Variants in OR2T1 observed in about 807,000 individuals in gnomAD.
OR2T1 encodes the protein olfactory receptor 2T1.
For missense variants in OR2T1, 440 were observed against 390.2 expected (o/e 1.13, Z -1.07); for synonymous variants, 186 against 145.4 (o/e 1.28, Z -2.01).
chr1:248,407,235 C>A lies in OR2T1; in HGVS notation c.*131C>A. 1.1e-6 allele frequency: 1 copy of A among 894,632 alleles called. No individual in the cohort carries two copies. Among genetic ancestry groups the A allele is most frequent in the Non-Finnish European group, 1.7e-6 (1 of 601,768 alleles). 55.4% of individuals were successfully genotyped at this position (894,632 alleles called of 1,614,324 possible). A position where few individuals can be genotyped will look rare whatever the true frequency, so the allele number is the denominator to read the frequency against. On this transcript the variant is annotated 3_prime_UTR_variant, in exon 2 of 2. Coordinates refer to ENST00000642005, the MANE Select transcript of OR2T1 (RefSeq NM_030904.2). ...AATATTGGTTTTTTGGCTAGGGTTT[C>A]TGGTTCATAACTCCATAGTTATGAT...
rs1249108122 is a variant in OR2T1 at position 248,406,379 on chromosome 1, C to T, written c.232C>T (p.Pro78Ser). ...IDMMYISTIV[P>S]KMLVNYLLDQ... ...CATGATGTATATTTCCACTATTGTG[C>T]CTAAGATGCTGGTTAATTACCTGCT... The change falls in exon 2 of 2, where the codon CCT becomes TCT. Residue 78 changes from proline to serine, a missense_variant. Pro to Ser is a moderately conservative substitution (Grantham distance 74). Coordinates refer to ENST00000642005, the MANE Select transcript of OR2T1 (RefSeq NM_030904.2). The T allele has an allele frequency of 6.2e-7, 1 of 1,614,022 alleles. No homozygotes were observed. The highest frequency in any genetic ancestry group is 8.5e-7 in the Non-Finnish European group (1 of 1,180,006).
At position 248,406,444 on chromosome 1, in the gene OR2T1, A is replaced by G. The variant is rs374006933; in HGVS notation, c.297A>G (p.Gln99=). Reference sequence around the variant, plus strand: ...TTTCCTTTGTGGGGTGCACAGCTCAACACTTCCTCTACCTTACCCTTGTGG... The same window carrying G: ...TTTCCTTTGTGGGGTGCACAGCTCAGCACTTCCTCTACCTTACCCTTGTGG... ...RTISFVGCTA[Q]HFLYLTLVGA... The change falls in exon 2 of 2, where the codon CAA becomes CAG. Residue 99 remains glutamine (Q), a synonymous_variant. Transcript: ENST00000642005. The G allele has an allele frequency of 9.3e-6, 15 of 1,613,996 alleles. No homozygotes were observed. The African/African-American group carries it at 2.0e-4, about 22-fold the overall frequency.
intron 1 of OR2T1, among the ~76,000 whole-genome samples, chr1:248,404,121 C>T (rs865896561): frequency 3.4e-3 from 10 of 2,946 alleles, no homozygotes; most frequent in African/African-American, 0.013. Context: ...GCCAGAGCTA[C>T]GGAAAAATTC....
At chr1:248,404,640 A>G (rs1307841211) in intron 1 of OR2T1, among the ~76,000 whole-genome samples, 1 of 150,802 alleles carries the variant, frequency 6.6e-6, no homozygotes, top group African/African-American at 2.4e-5. Flanking sequence ...TCCATAAAAC[A>G]GCAATCCTGA....
Position 248,406,905 on chromosome 1 carries a change from C to T in OR2T1, c.758C>T (p.Ala253Val), listed in dbSNP as rs963266403. The change falls in exon 2 of 2, where the codon GCT (alanine) becomes GTT (valine). Residue 253 changes from alanine to valine, a missense_variant. Physicochemically the swap from Ala to Val is moderately conservative, Grantham distance 64. Transcript: ENST00000642005. ...ACTGTGGTGTCCTTGTTCTACGGGG[C>T]TGCCATGTACACCTACATGCTGCCA... Reference protein sequence around the residue: ...HMTVVSLFYGAAMYTYMLPHS... With the variant: ...HMTVVSLFYGVAMYTYMLPHS... 2.5e-6 allele frequency: 4 copies of T among 1,613,942 alleles called. No homozygotes were observed. In the African/African-American group the frequency reaches 5.3e-5, roughly 22 times the overall value.
At position 248,407,422 on chromosome 1, in the gene OR2T1, G is replaced by C; in HGVS notation, c.*318G>C. 1 of 319,312 alleles carries C rather than the reference G, an allele frequency of 3.1e-6. No homozygotes were observed. The allele number at this position is 319,312 out of a possible 1,614,324, so 19.8% of individuals were successfully genotyped here. On this transcript the variant is annotated 3_prime_UTR_variant, in exon 2 of 2. Coordinates refer to ENST00000642005, the MANE Select transcript of OR2T1 (RefSeq NM_030904.2). ...CACAAAGAAATTATCTGACTACCTT[G>C]TCTGACTGTATGTCATAAGACCTCT... is the stretch of plus-strand genomic sequence containing the variant.
chr1:248,406,717 C>T lies in OR2T1; in HGVS notation c.570C>T (p.Asp190=), dbSNP rs755403435. 15 of 1,614,120 alleles carry T rather than the reference C, an allele frequency of 9.3e-6. No individual in the cohort carries two copies. Among genetic ancestry groups the T allele is most frequent in the Non-Finnish European group, 1.3e-5 (15 of 1,179,994 alleles). ...CAGTCCTGAAGTTGGCATGTGCAGA[C>T]ACAGCCCTCTACGAGACAGTGATGT... ...APAVLKLACA[D]TALYETVMYV... Residue 190 remains aspartate, a synonymous_variant, in exon 2 of 2, where the codon GAC becomes GAT. Coordinates refer to ENST00000642005, the MANE Select transcript of OR2T1 (RefSeq NM_030904.2).
chr1:248,406,077 T>C (rs1661547766), intron 1 of OR2T1, 38 bp from the exon 2 acceptor site: 1 of 1,613,682 alleles, frequency 6.2e-7, no homozygotes, highest in African/African-American at 1.3e-5. Flanking sequence ...CATGTTGTTA[T>C]TTTACTGCCC....
rs762559193 is a variant in OR2T1 at position 248,406,373 on chromosome 1, AT to A, written c.228del (p.Ile76MetfsTer54). The A allele has an allele frequency of 8.7e-6, 14 of 1,613,864 alleles. No homozygotes were observed. The African/African-American group carries it at 1.7e-4, about 20-fold the overall frequency. ...AATTGACATGATGTATATTTCCACTATTGTGCCTAAGATGCTGGTTAATTAC... is the reference window on the plus strand; with the variant it reads ...AATTGACATGATGTATATTTCCACTATGTGCCTAAGATGCTGGTTAATTAC... ...SLIDMMYISTIVPKMLVNYLL... is the reference protein window; with the variant it reads ...SLIDMMYISTXVPKMLVNYLL... On this transcript the variant is annotated frameshift_variant, in exon 2 of 2. Transcript: ENST00000642005. LOFTEE classifies it low-confidence loss of function (END_TRUNC).
At position 248,406,659 on chromosome 1, in the gene OR2T1, G is replaced by T; in HGVS notation, c.512G>T (p.Arg171Leu). Residue 171 changes from arginine to leucine, a missense_variant, in exon 2 of 2, where the codon CGG becomes CTG. By Grantham distance (102) the Arg-to-Leu change is moderately radical. Transcript: ENST00000642005. ...ITMSFPFCNS[R>L]EINHFFCEAP... Reference sequence around the variant, plus strand: ...ATGAGCTTTCCCTTCTGCAATTCCCGGGAGATTAACCACTTCTTCTGTGAG... The same window carrying T: ...ATGAGCTTTCCCTTCTGCAATTCCCTGGAGATTAACCACTTCTTCTGTGAG... 1.2e-6 allele frequency: 2 copies of T among 1,614,058 alleles called. No homozygotes were observed. The highest frequency in any genetic ancestry group is 1.7e-6 in the Non-Finnish European group (2 of 1,179,980).
Position 248,406,611 on chromosome 1 carries a change from GC to G in OR2T1, c.465del (p.Phe156SerfsTer3), listed in dbSNP as rs1661564282. On this transcript the variant is annotated frameshift_variant, in exon 2 of 2. Coordinates refer to ENST00000642005, the MANE Select transcript of OR2T1 (RefSeq NM_030904.2). LOFTEE classifies it low-confidence loss of function (END_TRUNC). Reference sequence around the variant, plus strand: ...TCCTGGTTTGGGGGCTCTTTGGATGGCTTCCTCCTAACCCCCATCACCATGA... The same window carrying G: ...TCCTGGTTTGGGGGCTCTTTGGATGGTTCCTCCTAACCCCCATCACCATGA... ...AGSWFGGSLD[G>X]FLLTPITMSF... is the part of the protein sequence containing the mutation. 2 of 1,614,114 alleles carry G rather than the reference GC, an allele frequency of 1.2e-6. No individual in the cohort carries two copies. The highest frequency in any genetic ancestry group is 2.7e-5 in the African/African-American group (2 of 75,038).
intron 1 of OR2T1, chr1:248,405,852 A>G (rs962223729): frequency 1.4e-6 from 1 of 700,902 alleles, no homozygotes; most frequent in Admixed American, 2.9e-5. Context: ...ATGCAACCTT[A>G]GGCATTGTTA....
At chr1:248,405,025 C>G (rs1661525654) in intron 1 of OR2T1, among the ~76,000 whole-genome samples, 1 of 152,100 alleles carries the variant, frequency 6.6e-6, no homozygotes, top group East Asian at 1.9e-4. Flanking sequence ...GCAAAATAAA[C>G]TCCACGATGT....
chr1:248,407,233 T>C lies in OR2T1; in HGVS notation c.*129T>C. On this transcript the variant is annotated 3_prime_UTR_variant, in exon 2 of 2. Transcript: ENST00000642005. ...ACAATATTGGTTTTTTGGCTAGGGT[T>C]TCTGGTTCATAACTCCATAGTTATG... The C allele has an allele frequency of 1.1e-6, 1 of 909,554 alleles. No individual in the cohort carries two copies. The highest frequency in any genetic ancestry group is 1.6e-6 in the Non-Finnish European group (1 of 613,494). The allele number at this position is 909,554 out of a possible 1,614,324, so 56.3% of individuals were successfully genotyped here. A position where few individuals can be genotyped will look rare whatever the true frequency, so the allele number is the denominator to read the frequency against.
chr1:248,407,373 A>C lies in OR2T1; in HGVS notation c.*269A>C. ...GAAAGCCTTAGAAACTAAAAATATA[A>C]TCCAATCTTTCCCCGCTTTTGGTCA... On this transcript the variant is annotated 3_prime_UTR_variant, in exon 2 of 2. Transcript: ENST00000642005. 4.9e-6 allele frequency: 2 copies of C among 408,388 alleles called. No individual in the cohort carries two copies. The highest frequency in any genetic ancestry group is 7.9e-5 in the South Asian group (1 of 12,642). 25.3% of individuals were successfully genotyped at this position (408,388 alleles called of 1,614,324 possible).
rs1572882655 is a variant in OR2T1, at chr1:248,407,394, G to C, written c.*290G>C. 2.7e-6 allele frequency: 1 copy of C among 364,838 alleles called. No individual in the cohort carries two copies. Among genetic ancestry groups the C allele is most frequent in the Non-Finnish European group, 4.9e-6 (1 of 205,244 alleles). 22.6% of individuals were successfully genotyped at this position (364,838 alleles called of 1,614,324 possible). On this transcript the variant is annotated 3_prime_UTR_variant, in exon 2 of 2. Transcript: ENST00000642005. ...TATAATCCAATCTTTCCCCGCTTTTGGTCACAAAGAAATTATCTGACTACC... is the reference window on the plus strand; with the variant it reads ...TATAATCCAATCTTTCCCCGCTTTTCGTCACAAAGAAATTATCTGACTACC...
Position 248,407,568 on chromosome 1 carries a change from T to C in OR2T1, c.*464T>C, listed in dbSNP as rs1408702532. 3.8e-5 allele frequency: 6 copies of C among 159,548 alleles called. No individual in the cohort carries two copies. Among genetic ancestry groups the C allele is most frequent in the African/African-American group, 1.2e-4 (5 of 41,720 alleles). 9.9% of individuals were successfully genotyped at this position (159,548 alleles called of 1,614,324 possible). Reference sequence around the variant, plus strand: ...CACTCACTCTATCAACATTAGGTCATACTCTTTGTTCAATCATATTTCTGT... The same window carrying C: ...CACTCACTCTATCAACATTAGGTCACACTCTTTGTTCAATCATATTTCTGT... On this transcript the variant is annotated 3_prime_UTR_variant, in exon 2 of 2. Coordinates refer to ENST00000642005, the MANE Select transcript of OR2T1 (RefSeq NM_030904.2).
chr1:248,403,194 G>A lies in OR2T1; in HGVS notation c.-85G>A, dbSNP rs1661467699. On this transcript the variant is annotated 5_prime_UTR_variant, in exon 1 of 2. It removes an upstream start codon present in the reference 5' UTR. Transcript: ENST00000642005. ...GAAAAGATAGACTTTAACTGCTGAT[G>A]TAACTTCACTGGGAGCACCTGGGTT... 6.6e-6 allele frequency: 1 copy of A among 152,090 alleles called. No individual in the cohort carries two copies. The highest frequency in any genetic ancestry group is 1.5e-5 in the Non-Finnish European group (1 of 68,004). 9.4% of individuals were successfully genotyped at this position (152,090 alleles called of 1,614,324 possible). A position where few individuals can be genotyped will look rare whatever the true frequency, so the allele number is the denominator to read the frequency against.
In OR2T1 at chr1:248,406,859, G is replaced by T; in HGVS notation, c.712G>T (p.Ala238Ser). ...SSVEGRKKAF[A>S]TCSSHMTVVS... ...AGTGGAGGGCAGGAAGAAGGCATTT[G>T]CCACTTGCTCATCCCACATGACTGT... The change falls in exon 2 of 2, where the codon GCC becomes TCC. Residue 238 changes from alanine (A) to serine (S), a missense_variant. By Grantham distance (99) the Ala-to-Ser change is moderately conservative. Coordinates refer to ENST00000642005, the MANE Select transcript of OR2T1 (RefSeq NM_030904.2). 1 of 1,614,160 alleles carries T rather than the reference G, an allele frequency of 6.2e-7. No homozygotes were observed. Among genetic ancestry groups the T allele is most frequent in the African/African-American group, 1.3e-5 (1 of 75,050 alleles).
Sources: allele counts gnomAD v4.1 joint callset (sites outside exome capture counted in the v4.1 genomes callset), GRCh38; gene constraint gnomAD v4.1.1; transcripts MANE v1.5; gene names NCBI Gene and HGNC (gene_info 2026-07-23, HGNC 2026-07-21).